Variants in FBLN5 observed in about 807,000 individuals in gnomAD.
FBLN5 encodes the protein fibulin 5, also known as fibulin-5.
A neutral mutation model predicts 61.6 loss-of-function variants in FBLN5; 24 were observed. The ratio of observed to expected loss-of-function variants is 0.39; its 90% CI spans 0.28 to 0.55. The LOEUF (loss-of-function observed/expected upper bound fraction) is 0.55, where lower values mean the gene tolerates loss of function less well. Ranked by LOEUF, FBLN5 falls within the 20% of genes least tolerant of loss-of-function variation. The pLI is 0.65. For synonymous variants in FBLN5, 213 were observed against 219.8 expected (o/e 0.97, Z 0.27); for missense variants, 470 against 594.1 (o/e 0.79, Z 2.17).
At chr14:91,932,893 T>C (rs1256224509) in intron 4 of FBLN5, among the ~76,000 whole-genome samples, 23 of 152,222 alleles carry the variant, frequency 1.5e-4, no homozygotes, top group African/African-American at 2.4e-5. Flanking sequence ...TTTGCATGGA[T>C]CTGATTTCAA....
intron 4 of FBLN5, among the ~76,000 whole-genome samples, chr14:91,899,471 G>A (rs1321252756): frequency 6.6e-5 from 10 of 152,202 alleles, no homozygotes; most frequent in South Asian, 6.2e-4. Context: ...GGAAGAAGTC[G>A]TCATCTGCAT....
chr14:91,927,122 G>C (rs907405701), intron 4 of FBLN5, among the ~76,000 whole-genome samples: 2 of 152,136 alleles, frequency 1.3e-5, no homozygotes, highest in African/African-American at 4.8e-5. Context: ...TTGGGCCTAT[G>C]GGATGATATT....
chr14:91,942,331 G>A (rs116118912), intron 2 of FBLN5, among the ~76,000 whole-genome samples: 1 of 152,226 alleles, frequency 6.6e-6, no homozygotes, highest in Non-Finnish European at 1.5e-5. Flanking sequence ...AACACTACAT[G>A]CTGGGATGTT....
chr14:91,909,902 C>T (rs1032515170), intron 4 of FBLN5, among the ~76,000 whole-genome samples: 13 of 152,084 alleles, frequency 8.5e-5, no homozygotes, highest in African/African-American at 3.1e-4. Flanking sequence ...TTGGTGAGGA[C>T]GTGGAGAAAC....
chr14:91,925,283 G>T (rs2055809155), intron 4 of FBLN5, among the ~76,000 whole-genome samples: 1 of 152,206 alleles, frequency 6.6e-6, no homozygotes, highest in African/African-American at 2.4e-5. Flanking sequence ...CCCAGCACTG[G>T]CTGTCCCCAT....
At chr14:91,894,280 C>T (rs1045196962) in intron 5 of FBLN5, among the ~76,000 whole-genome samples, 6 of 149,456 alleles carry the variant, frequency 4.0e-5, no homozygotes, top group Non-Finnish European at 8.9e-5. Flanking sequence ...ATGACTGAAA[C>T]GCCAGCTACT....
chr14:91,901,135 G>T (rs890262124), intron 4 of FBLN5, among the ~76,000 whole-genome samples: 1 of 152,202 alleles, frequency 6.6e-6, no homozygotes, highest in South Asian at 2.1e-4. Flanking sequence ...AAAGCATAAA[G>T]GTACGTGTGC....
intron 10 of FBLN5, among the ~76,000 whole-genome samples, chr14:91,871,577 G>A (rs1268653105): frequency 6.6e-6 from 1 of 152,106 alleles, no homozygotes; most frequent in African/African-American, 2.4e-5. Context: ...TCATAAAATG[G>A]CCAGGCACCA....
intron 5 of FBLN5, among the ~76,000 whole-genome samples, chr14:91,892,834 A>T (rs1457174265): frequency 1.3e-5 from 2 of 152,222 alleles, no homozygotes; most frequent in African/African-American, 2.4e-5. Context: ...GCATTTTGAA[A>T]GGGAAAGGTG....
At chr14:91,914,477 C>CAAAAAAAA (rs57302887) in intron 4 of FBLN5, among the ~76,000 whole-genome samples, 3 of 58,618 alleles carry the variant, frequency 5.1e-5, no homozygotes, top group Non-Finnish European at 8.8e-5. Flanking sequence ...GACTCTGTCT[C>CAAAAAAAA]AAAAAAAAAA....
At chr14:91,878,257 A>T (rs946684683) in intron 9 of FBLN5, among the ~76,000 whole-genome samples, 1 of 152,228 alleles carries the variant, frequency 6.6e-6, no homozygotes, top group Non-Finnish European at 1.5e-5. Context: ...TGGAAATTCA[A>T]TGAATAATAA....
At chr14:91,927,683 T>C (rs2055852316) in intron 4 of FBLN5, among the ~76,000 whole-genome samples, 1 of 152,228 alleles carries the variant, frequency 6.6e-6, no homozygotes, top group Admixed American at 6.5e-5. Context: ...TCGAGGCTAT[T>C]TGCAACCTGG....
intron 4 of FBLN5, among the ~76,000 whole-genome samples, chr14:91,907,754 AAAG>A (rs796506678): frequency 4.6e-5 from 7 of 152,206 alleles, no homozygotes; most frequent in South Asian, 4.2e-4. Context: ...AGTAGAGAGA[AAAG>A]AAGGAGTAAA....
At chr14:91,893,315 A>G (rs1890074721) in intron 5 of FBLN5, among the ~76,000 whole-genome samples, 1 of 152,240 alleles carries the variant, frequency 6.6e-6, no homozygotes, top group African/African-American at 2.4e-5. Flanking sequence ...TCAAATAAGT[A>G]GCATCAAATT....
At chr14:91,897,873 AC>A (rs1176558280) in intron 4 of FBLN5, among the ~76,000 whole-genome samples, 1 of 152,062 alleles carries the variant, frequency 6.6e-6, no homozygotes, top group African/African-American at 2.4e-5. Flanking sequence ...ACATGGCAAA[AC>A]CCTGTTTCTA....
At chr14:91,936,876 T>C in intron 4 of FBLN5, 71 bp downstream of exon 4, 3 of 1,581,316 alleles carry the variant, frequency 1.9e-6, no homozygotes, top group African/African-American at 1.3e-5. Flanking sequence ...CCATTTGTGG[T>C]GAGCATGCCA....
chr14:91,915,124 C>A (rs1324586444), intron 4 of FBLN5, among the ~76,000 whole-genome samples: 1 of 151,632 alleles, frequency 6.6e-6, no homozygotes, highest in Admixed American at 6.6e-5. Flanking sequence ...CGCACCACTG[C>A]ACTCCAGCCT....
intron 4 of FBLN5, among the ~76,000 whole-genome samples, chr14:91,919,390 A>AAAGG (rs3031540): frequency 0.02 from 1,960 of 99,410 alleles, 63 homozygotes; most frequent in African/African-American, 0.042. Context: ...AGAAAGAAAG[A>AAAGG]AAGGAAGGAA....
chr14:91,922,809 C>T (rs2055762923), intron 4 of FBLN5, among the ~76,000 whole-genome samples: 1 of 152,194 alleles, frequency 6.6e-6, no homozygotes, highest in Admixed American at 6.5e-5. Context: ...TCAGATTTCT[C>T]ACAGGACCAG....
Sources: allele counts gnomAD v4.1 joint callset (sites outside exome capture counted in the v4.1 genomes callset), GRCh38; gene constraint gnomAD v4.1.1; transcripts MANE v1.5; gene names NCBI Gene and HGNC (gene_info 2026-07-23, HGNC 2026-07-21).